The following STPG2 variants were observed in gnomAD, a reference collection of about 807,000 sequenced individuals.
The protein encoded by STPG2 is sperm tail PG-rich repeat containing 2, also known as sperm-tail PG-rich repeat-containing protein 2.
Under a neutral mutation model 54.2 loss-of-function variants are expected in STPG2, and 56 were observed. The observed-to-expected ratio is 1.03, with a 90% CI of 0.83 to 1.29. The LOEUF (loss-of-function observed/expected upper bound fraction) is 1.29. Ranked by LOEUF, STPG2 falls within the 50% of genes most tolerant of loss-of-function variation. The pLI is 0.00. For synonymous variants in STPG2, 200 were observed against 181.8 expected, an observed-to-expected ratio of 1.10 and a Z score of -0.81; for missense variants, 596 against 544.9, an observed-to-expected ratio of 1.09 and a Z score of -0.93.
chr4:97,779,303 G>A (rs181022531), intron 9 of STPG2, among the ~76,000 whole-genome samples: 9 of 152,256 alleles, frequency 5.9e-5, no homozygotes, highest in East Asian at 1.9e-4. Flanking sequence ...TTCAGTAACC[G>A]ATTCGATCAA....
chr4:97,856,671 C>T (rs961143299), intron 8 of STPG2, among the ~76,000 whole-genome samples: 5 of 152,108 alleles, frequency 3.3e-5, no homozygotes, highest in African/African-American at 1.2e-4. Flanking sequence ...TGCTTGATTG[C>T]CCTGGCCGGA....
intron 5 of STPG2, among the ~76,000 whole-genome samples, chr4:98,026,664 C>T (rs1240480366): frequency 4.6e-5 from 7 of 152,146 alleles, no homozygotes; most frequent in South Asian, 2.1e-4. Context: ...AGATAAACTC[C>T]GGTCCACTGA....
intron 4 of STPG2, among the ~76,000 whole-genome samples, chr4:97,450,392 T>C (rs1343235657): frequency 2.6e-5 from 4 of 152,182 alleles, no homozygotes; most frequent in African/African-American, 9.7e-5. Context: ...CAAAATCTAT[T>C]ACCAATAATG....
In STPG2 at chr4:97,585,121, AAAAC is replaced by A. The variant is rs1211992085; in HGVS notation, c.1321-26008_1321-26005del. On this transcript the variant is annotated intron_variant, in intron 10 of 10. Transcript: ENST00000295268. ...ATTCTCAAAAAAAAAAAAAAAAAAA[AAAAC>A]AAAACTACAAGTTAACATCCAACAG... Among the ~76,000 whole-genome samples, 8 of 119,786 alleles carry A rather than the reference AAAAC, an allele frequency of 6.7e-5. 1 individual carries two copies. Among genetic ancestry groups the A allele is most frequent in the African/African-American group, 4.3e-4 (6 of 14,026 alleles). The allele number at this position is 119,786 out of a possible 152,430, so 78.6% of individuals were successfully genotyped here.
intron 10 of STPG2, among the ~76,000 whole-genome samples, chr4:97,562,916 G>C (rs1264060079): frequency 6.6e-6 from 1 of 152,070 alleles, no homozygotes; most frequent in Non-Finnish European, 1.5e-5. Context: ...TTTTGGTTGT[G>C]TCTCTGCCTG....
intron 9 of STPG2, among the ~76,000 whole-genome samples, chr4:97,744,234 A>G (rs913340919): frequency 1.5e-4 from 23 of 151,456 alleles, no homozygotes; most frequent in African/African-American, 5.1e-4. Flanking sequence ...TATAAAAATA[A>G]TTTCATTTAT....
intron 5 of STPG2, chr4:98,025,596 G>A: frequency 2.7e-6 from 2 of 746,542 alleles, no homozygotes; most frequent in East Asian, 2.5e-5. Context: ...CATATAGACA[G>A]GGATATAATA....
At chr4:97,682,743 G>A (rs948099198) in intron 10 of STPG2, among the ~76,000 whole-genome samples, 3 of 151,806 alleles carry the variant, frequency 2.0e-5, no homozygotes, top group African/African-American at 7.2e-5. Flanking sequence ...TAAACCTTAA[G>A]TAACTTGTCT....
chr4:97,675,795 T>C (rs1722819561), intron 10 of STPG2, among the ~76,000 whole-genome samples: 1 of 151,386 alleles, frequency 6.6e-6, no homozygotes, highest in Non-Finnish European at 1.5e-5. Context: ...TTTCTTATAG[T>C]TGGAGTTCTG....
At chr4:97,724,119 C>T (rs562703629) in intron 9 of STPG2, among the ~76,000 whole-genome samples, 39 of 152,256 alleles carry the variant, frequency 2.6e-4, no homozygotes, top group African/African-American at 8.9e-4. Context: ...ATTTGTCTTG[C>T]TTTTGTGACA....
chr4:97,797,029 A>C (rs1390469829), intron 9 of STPG2, among the ~76,000 whole-genome samples: 2 of 152,194 alleles, frequency 1.3e-5, no homozygotes, highest in Admixed American at 6.5e-5. Flanking sequence ...ATTTTTGCAC[A>C]TTGATTTTGT....
rs146172709 is a variant in STPG2, at chr4:98,094,504, T to A, written c.612+11449A>T. 8.1e-3 allele frequency among the ~76,000 whole-genome samples: 1,228 copies of A among 152,234 alleles called. 11 individuals are homozygous for A. Among genetic ancestry groups the A allele is most frequent in the Non-Finnish European group, 0.014 (921 of 67,990 alleles). ...AAAGGGGACTTTGTCTCGCACCAAC[T>A]CGACCAGTGGAGTAGAGCAACAAGC... On this transcript the variant is annotated intron_variant, in intron 5 of 10. Transcript: ENST00000295268.
chr4:97,590,974 A>G (rs1446820705), intron 10 of STPG2, among the ~76,000 whole-genome samples: 1 of 152,102 alleles, frequency 6.6e-6, no homozygotes, highest in Non-Finnish European at 1.5e-5. Context: ...TCATATCAAA[A>G]CCAAGAAGTG....
At chr4:97,628,831 A>G (rs1721140302) in intron 10 of STPG2, among the ~76,000 whole-genome samples, 2 of 152,136 alleles carry the variant, frequency 1.3e-5, no homozygotes, top group South Asian at 4.1e-4. Context: ...TTTTTACAAT[A>G]TTGTCACTCA....
intron 8 of STPG2, among the ~76,000 whole-genome samples, chr4:97,932,360 T>A (rs908775179): frequency 1.3e-4 from 20 of 152,316 alleles, no homozygotes; most frequent in African/African-American, 4.1e-4. Context: ...TTTCCAAATT[T>A]TTTTTTAATT....
At chr4:98,040,103 T>G (rs950450204) in intron 5 of STPG2, among the ~76,000 whole-genome samples, 3 of 151,994 alleles carry the variant, frequency 2.0e-5, no homozygotes, top group African/African-American at 7.2e-5. Flanking sequence ...CATATCTTTG[T>G]TGGCCACTTG....
chr4:97,839,894 T>G (rs767044291), intron 9 of STPG2, among the ~76,000 whole-genome samples: 2 of 151,588 alleles, frequency 1.3e-5, no homozygotes, highest in Non-Finnish European at 3.0e-5. Flanking sequence ...TTCTCCATAT[T>G]CTCATAAAAA....
chr4:98,130,462 C>A (rs2110164236), intron 2 of STPG2, among the ~76,000 whole-genome samples: 1 of 152,246 alleles, frequency 6.6e-6, no homozygotes, highest in South Asian at 2.1e-4. Context: ...GGATTACAGG[C>A]ATAAGCCACC....
chr4:97,909,926 A>G (rs1394313425), intron 8 of STPG2, among the ~76,000 whole-genome samples: 1 of 152,180 alleles, frequency 6.6e-6, no homozygotes, highest in African/African-American at 2.4e-5. Context: ...GATGATGCCA[A>G]TGCCACTACA....
Sources: allele counts gnomAD v4.1 joint callset (sites outside exome capture counted in the v4.1 genomes callset), GRCh38; gene constraint gnomAD v4.1.1; transcripts MANE v1.5; gene names NCBI Gene and HGNC (gene_info 2026-07-23, HGNC 2026-07-21).